Variants in MCF2L2 observed in about 807,000 individuals in gnomAD.
The protein encoded by MCF2L2 is probable guanine nucleotide exchange factor MCF2L2.
Under a neutral mutation model 150.2 loss-of-function variants are expected in MCF2L2, and 102 were observed. The observed-to-expected ratio is 0.68, with a 90% CI of 0.58 to 0.80. The LOEUF (loss-of-function observed/expected upper bound fraction) is 0.80. MCF2L2 is among the 30% of genes least tolerant of loss of function. The probability of loss-of-function intolerance (pLI) is 0.00; values close to 1 mark genes in which losing one functional copy is unlikely to be tolerated. For missense variants in MCF2L2, 1,256 were observed against 1,372.8 expected, an observed-to-expected ratio of 0.91 and a Z score of 1.34; for synonymous variants, 465 against 491.3, an observed-to-expected ratio of 0.95 and a Z score of 0.71.
chr3:183,268,339 G>A (rs969208111), intron 15 of MCF2L2, among the ~76,000 whole-genome samples: 3 of 152,188 alleles, frequency 2.0e-5, no homozygotes, highest in Non-Finnish European at 4.4e-5. Flanking sequence ...AGTTTGTCTC[G>A]TGGTTAAATC....
chr3:183,410,660 G>C (rs1715275479), intron 1 of MCF2L2, among the ~76,000 whole-genome samples: 1 of 152,230 alleles, frequency 6.6e-6, no homozygotes, highest in South Asian at 2.1e-4. Context: ...CAAGGTTCCT[G>C]TTTTTCCCAG....
chr3:183,327,687 T>C (rs1730107625), intron 5 of MCF2L2, among the ~76,000 whole-genome samples: 1 of 152,240 alleles, frequency 6.6e-6, no homozygotes, highest in South Asian at 2.1e-4. Context: ...TATTTTCTTT[T>C]AGAGAGCCTC....
At position 183,223,446 on chromosome 3, in the gene MCF2L2, A is replaced by C; in HGVS notation, c.2209-8T>G. The C allele has an allele frequency of 1.9e-6, 3 of 1,603,862 alleles. No individual in the cohort carries two copies. The highest frequency in any genetic ancestry group is 2.6e-6 in the Non-Finnish European group (3 of 1,170,678). On this transcript the variant is annotated splice_region_variant and splice_polypyrimidine_tract_variant and intron_variant, in intron 19 of 29. Transcript: ENST00000328913. The stretch of plus-strand genomic sequence containing the variant: ...CAGTTGGCGCTGGCATACCTTTAAA[A>C]GCCAAATAGAAACAACATAAAGCAA...
At chr3:183,320,082 A>G (rs966822083) in intron 6 of MCF2L2, among the ~76,000 whole-genome samples, 4 of 147,496 alleles carry the variant, frequency 2.7e-5, no homozygotes, top group African/African-American at 1.0e-4. Context: ...GAGTGTAGTC[A>G]CTTTTTCTTT....
intron 1 of MCF2L2, among the ~76,000 whole-genome samples, chr3:183,394,133 G>C (rs889426841): frequency 6.6e-6 from 1 of 152,196 alleles, no homozygotes; most frequent in Admixed American, 6.5e-5. Context: ...TTTGCCCAGA[G>C]ACTCAAGGGG....
At chr3:183,237,895 G>A (rs1230195212) in intron 15 of MCF2L2, among the ~76,000 whole-genome samples, 29 of 97,750 alleles carry the variant, frequency 3.0e-4, no homozygotes, top group African/African-American at 1.2e-3. Context: ...ATTCTGGTAT[G>A]TGGTGTCTTT....
chr3:183,235,605 G>T (rs1190191465), intron 15 of MCF2L2, among the ~76,000 whole-genome samples: 2 of 96,404 alleles, frequency 2.1e-5, no homozygotes, highest in Non-Finnish European at 3.8e-5. Context: ...TTAGCCCTTT[G>T]TCAGATGAGT....
intron 3 of MCF2L2, among the ~76,000 whole-genome samples, chr3:183,363,796 A>C (rs1379308598): frequency 6.6e-6 from 1 of 151,714 alleles, no homozygotes; most frequent in Non-Finnish European, 1.5e-5. Context: ...GAGCAAAGAG[A>C]CAATATATCA....
intron 3 of MCF2L2, among the ~76,000 whole-genome samples, chr3:183,348,659 T>A (rs1453119458): frequency 6.6e-6 from 1 of 152,088 alleles, no homozygotes; most frequent in Non-Finnish European, 1.5e-5. Flanking sequence ...GAGAGTTAGA[T>A]TGAAAGAAAA....
chr3:183,371,554 G>A (rs528821051), intron 3 of MCF2L2, among the ~76,000 whole-genome samples: 11 of 144,762 alleles, frequency 7.6e-5, no homozygotes, highest in South Asian at 2.2e-4. Context: ...TGCAACCTCC[G>A]CCTCCTGGGT....
chr3:183,415,439 G>A (rs200292475), intron 1 of MCF2L2, among the ~76,000 whole-genome samples: 29 of 152,044 alleles, frequency 1.9e-4, no homozygotes, highest in African/African-American at 5.1e-4. Flanking sequence ...TACCCACCTC[G>A]GCCTCCCAAA....
Position 183,281,214 on chromosome 3 carries a change from G to A in MCF2L2, c.1777-4257C>T, listed in dbSNP as rs1727457735. 2.6e-5 allele frequency among the ~76,000 whole-genome samples: 4 copies of A among 152,278 alleles called. No homozygotes were observed. The South Asian group carries it at 8.3e-4, about 32-fold the overall frequency. ...GCAGGGGAGAAGGGTGAGAAGAAGG[G>A]AAGGAAATAAAGGCAAAGGCATTTG... On this transcript the variant is annotated intron_variant, in intron 14 of 29. Transcript: ENST00000328913.
intron 3 of MCF2L2, among the ~76,000 whole-genome samples, chr3:183,347,692 T>A (rs1269114194): frequency 6.6e-6 from 1 of 152,110 alleles, no homozygotes; most frequent in African/African-American, 2.4e-5. Context: ...TACAAGGAAC[T>A]TAAACAAATT....
At chr3:183,343,074 G>A (rs1362057150) in intron 3 of MCF2L2, among the ~76,000 whole-genome samples, 1 of 152,138 alleles carries the variant, frequency 6.6e-6, no homozygotes, top group African/African-American at 2.4e-5. Context: ...GTGAGAGAAT[G>A]TATTGTCATT....
intron 1 of MCF2L2, among the ~76,000 whole-genome samples, chr3:183,422,572 T>G (rs1715937692): frequency 6.6e-6 from 1 of 152,142 alleles, no homozygotes; most frequent in African/African-American, 2.4e-5. Context: ...CTGTAGGCTC[T>G]CCAGGAACTT....
chr3:183,186,619 C>T (rs1364456701), intron 27 of MCF2L2, among the ~76,000 whole-genome samples: 6 of 152,302 alleles, frequency 3.9e-5, no homozygotes, highest in East Asian at 1.9e-4. Flanking sequence ...CCCAGCTACT[C>T]GGGAGACTGA....
intron 3 of MCF2L2, among the ~76,000 whole-genome samples, chr3:183,350,582 G>A (rs1288201462): frequency 1.3e-5 from 2 of 152,158 alleles, no homozygotes; most frequent in South Asian, 2.1e-4. Context: ...AAAATAACTT[G>A]CAAAAGTCAC....
At chr3:183,246,756 T>C (rs765302151) in intron 15 of MCF2L2, among the ~76,000 whole-genome samples, 21 of 152,268 alleles carry the variant, frequency 1.4e-4, no homozygotes, top group Middle Eastern at 6.8e-3. Context: ...TTTTGAGGAA[T>C]TGCCATACCA....
At chr3:183,417,299 T>C (rs544513039) in intron 1 of MCF2L2, among the ~76,000 whole-genome samples, 96 of 152,182 alleles carry the variant, frequency 6.3e-4, no homozygotes, top group African/African-American at 1.9e-3. Context: ...AATGGCTGTA[T>C]GCATTCAGTA....
Sources: gnomAD v4.1 joint callset for allele counts (sites outside exome capture counted in the v4.1 genomes callset) on GRCh38, gnomAD v4.1.1 for gene constraint, MANE v1.5 for transcripts, NCBI Gene and HGNC (gene_info 2026-07-23, HGNC 2026-07-21) for gene names.